CDC14A: variants seen among roughly 807,000 people sequenced by gnomAD.
CDC14A encodes dual specificity protein phosphatase CDC14A.
CDC14A carries 53 observed loss-of-function variants against 74.4 expected under a neutral mutation model. The observed-to-expected ratio is 0.71, with a 90% confidence interval of 0.57 to 0.89. The LOEUF is 0.89. CDC14A is among the 40% of genes least tolerant of loss of function. The pLI is 0.00. For synonymous variants in CDC14A, 247 were observed against 258.4 expected, an observed-to-expected ratio of 0.96 and a Z score of 0.43; for missense variants, 646 against 713.7, an observed-to-expected ratio of 0.91 and a Z score of 1.08.
At chr1:100,420,887 A>T (rs1662287496) in intron 4 of CDC14A, among the ~76,000 whole-genome samples, 1 of 152,134 alleles carries the variant, frequency 6.6e-6, no homozygotes, top group African/African-American at 2.4e-5. Flanking sequence ...GCTCTTTAAG[A>T]AGCTTTTATT....
intron 2 of CDC14A, among the ~76,000 whole-genome samples, chr1:100,361,615 A>G (rs113109669): frequency 8.9e-4 from 136 of 152,336 alleles, no homozygotes; most frequent in Non-Finnish European, 1.6e-3. Context: ...AAGAAAGGAA[A>G]GAAAAAGATT....
At chr1:100,412,768 T>TTTTA (rs1553179041) in intron 4 of CDC14A, among the ~76,000 whole-genome samples, 3 of 78,832 alleles carry the variant, frequency 3.8e-5, no homozygotes, top group South Asian at 3.0e-4. Flanking sequence ...TATATATATA[T>TTTTA]TATATATATA....
In CDC14A at chr1:100,363,056, ACC is replaced by A. The variant is rs1421753035; in HGVS notation, c.140+9205_140+9206del. On this transcript the variant is annotated intron_variant, in intron 2 of 15. Coordinates refer to ENST00000336454, the MANE Select transcript of CDC14A (RefSeq NM_003672.4). The stretch of plus-strand genomic sequence containing the variant: ...TACATAGGGCCCGCAGATTGGTTCA[ACC>A]AGGTGTGACGTTTACGTAGTGGGTG... The A allele has an allele frequency of 6.6e-5, 10 of 152,366 alleles. No homozygotes were observed. In the East Asian group the frequency reaches 1.9e-3, roughly 29 times the overall value. 9.4% of individuals were successfully genotyped at this position (152,366 alleles called of 1,614,324 possible). A position where few individuals can be genotyped will look rare whatever the true frequency, so the allele number is the denominator to read the frequency against.
chr1:100,360,690 A>G (rs1387171402), intron 2 of CDC14A, among the ~76,000 whole-genome samples: 1 of 152,170 alleles, frequency 6.6e-6, no homozygotes, highest in Non-Finnish European at 1.5e-5. Flanking sequence ...TTTACCTTCT[A>G]GATAATGATT....
intron 4 of CDC14A, among the ~76,000 whole-genome samples, chr1:100,402,344 C>T (rs1411876219): frequency 1.3e-5 from 2 of 152,116 alleles, no homozygotes; most frequent in Admixed American, 6.6e-5. Context: ...CACATTTAGA[C>T]GTATTCCCCA....
At chr1:100,399,097 G>A (rs942321255) in intron 4 of CDC14A, among the ~76,000 whole-genome samples, 1 of 152,100 alleles carries the variant, frequency 6.6e-6, no homozygotes, top group Admixed American at 6.5e-5. Flanking sequence ...ACTTTAAAAA[G>A]TGGAGTAACC....
upstream of CDC14A, among the ~76,000 whole-genome samples, chr1:100,348,010 G>A (rs1308624242): frequency 2.0e-5 from 3 of 152,136 alleles, no homozygotes; most frequent in Non-Finnish European, 4.4e-5. Flanking sequence ...TCCGCCAGGT[G>A]CAGTGGTTCA....
intron 1 of CDC14A, among the ~76,000 whole-genome samples, chr1:100,353,312 C>A (rs558507793): frequency 1.3e-5 from 2 of 152,250 alleles, no homozygotes; most frequent in Non-Finnish European, 2.9e-5. Flanking sequence ...CACCGGTCAC[C>A]TTTACTCCAC....
chr1:100,366,870 T>C (rs992525956), intron 2 of CDC14A, among the ~76,000 whole-genome samples: 1 of 152,234 alleles, frequency 6.6e-6, no homozygotes, highest in Non-Finnish European at 1.5e-5. Flanking sequence ...CCAATCTTCT[T>C]AGAAGAAATC....
intron 1 of CDC14A, among the ~76,000 whole-genome samples, chr1:100,346,555 T>C (rs964839808): frequency 5.9e-5 from 9 of 151,470 alleles, no homozygotes; most frequent in Non-Finnish European, 7.4e-5. Context: ...TCATTCAAGC[T>C]TAGGAGGTTG....
chr1:100,495,785 G>A (rs1002825119), intron 12 of CDC14A, among the ~76,000 whole-genome samples: 4 of 152,116 alleles, frequency 2.6e-5, no homozygotes, highest in African/African-American at 9.7e-5. Flanking sequence ...AGGAATAAAG[G>A]TTCATATTGC....
chr1:100,495,917 G>C lies in CDC14A; in HGVS notation c.1251-85G>C. On this transcript the variant is annotated intron_variant, in intron 12 of 15. Transcript: ENST00000336454. Reference sequence around the variant, plus strand: ...TTTTGCTAATTTAATATTTTTACTGGTTTGATACCATTTGATGTGCCTTGT... The same window carrying C: ...TTTTGCTAATTTAATATTTTTACTGCTTTGATACCATTTGATGTGCCTTGT... 9.9e-6 allele frequency: 11 copies of C among 1,115,710 alleles called. No homozygotes were observed. In the South Asian group the frequency reaches 1.3e-4, roughly 13 times the overall value. 69.1% of individuals were successfully genotyped at this position (1,115,710 alleles called of 1,614,324 possible). A position where few individuals can be genotyped will look rare whatever the true frequency, so the allele number is the denominator to read the frequency against.
At chr1:100,375,552 C>A (rs1463147750) in intron 2 of CDC14A, among the ~76,000 whole-genome samples, 2 of 151,710 alleles carry the variant, frequency 1.3e-5, no homozygotes, top group Non-Finnish European at 3.0e-5. Context: ...AAAAAATGCT[C>A]ATCATCACTG....
chr1:100,466,871 CAAAAAAAAAAAA>C (rs11382441), intron 9 of CDC14A, among the ~76,000 whole-genome samples: 1 of 87,322 alleles, frequency 1.1e-5, no homozygotes, highest in Non-Finnish European at 2.2e-5. Context: ...ACTCGGTCTC[CAAAAAAAAAAAA>C]AAAAAAAGAA....
chr1:100,353,096 A>G (rs889612742), intron 1 of CDC14A, 93 bp downstream of exon 1: 2 of 1,357,056 alleles, frequency 1.5e-6, no homozygotes, highest in Admixed American at 3.7e-5. Context: ...TGAGGCTGCC[A>G]GTGTCCTGCA....
At chr1:100,394,900 A>G (rs1658258518) in intron 4 of CDC14A, among the ~76,000 whole-genome samples, 1 of 152,220 alleles carries the variant, frequency 6.6e-6, no homozygotes, top group African/African-American at 2.4e-5. Flanking sequence ...TCCATTATAC[A>G]TATATCTCAG....
chr1:100,443,479 G>T (rs1665191121), intron 7 of CDC14A, among the ~76,000 whole-genome samples: 1 of 151,382 alleles, frequency 6.6e-6, no homozygotes, highest in African/African-American at 2.4e-5. Context: ...GGAATTACAG[G>T]TGCATGCCAC....
chr1:100,487,680 A>G (rs1309735002), intron 11 of CDC14A, among the ~76,000 whole-genome samples: 3 of 152,222 alleles, frequency 2.0e-5, no homozygotes, highest in African/African-American at 7.2e-5. Context: ...GTGATGGACT[A>G]AGTTGTGGTT....
chr1:100,455,293 T>C, intron 7 of CDC14A, 112 bp from the exon 8 acceptor site: 2 of 671,040 alleles, frequency 3.0e-6, no homozygotes, highest in South Asian at 3.7e-5. Flanking sequence ...TTTGTCTACA[T>C]GTATGTCTAA....
Sources: gnomAD v4.1 joint callset for allele counts (sites outside exome capture counted in the v4.1 genomes callset) on GRCh38, gnomAD v4.1.1 for gene constraint, MANE v1.5 for transcripts, NCBI Gene and HGNC (gene_info 2026-07-23, HGNC 2026-07-21) for gene names.